RMST: variants seen among roughly 807,000 people sequenced by gnomAD.
The protein encoded by RMST is long intergenic non-protein coding RNA 54.
chr12:97,538,163 T>C (rs1452469087), intron 11 of RMST, among the ~76,000 whole-genome samples: 2 of 151,342 alleles, frequency 1.3e-5, no homozygotes, highest in Non-Finnish European at 3.0e-5. Flanking sequence ...AAAATAATAA[T>C]AAAGGTTTGA....
intron 10 of RMST, among the ~76,000 whole-genome samples, chr12:97,505,533 T>G (rs552265164): frequency 3.3e-5 from 5 of 152,370 alleles, no homozygotes; most frequent in African/African-American, 1.2e-4. Flanking sequence ...GTTTCTTTCA[T>G]GCAAACCGTA....
chr12:97,519,187 T>C (rs918409539), intron 10 of RMST, among the ~76,000 whole-genome samples: 9 of 152,226 alleles, frequency 5.9e-5, no homozygotes, highest in Non-Finnish European at 8.8e-5. Context: ...TACTGTTACT[T>C]ACAGCTCATG....
At chr12:97,463,889 A>G (rs1057349535) in intron 4 of RMST, among the ~76,000 whole-genome samples, 15 of 152,092 alleles carry the variant, frequency 9.9e-5, no homozygotes, top group Admixed American at 9.8e-4. Context: ...TTTTTTAATG[A>G]TGAGGAGAAA....
chr12:97,561,629 CTTTTTTTTTTTTTTT>C (rs9331504), intron 13 of RMST, among the ~76,000 whole-genome samples: 1 of 56,650 alleles, frequency 1.8e-5, no homozygotes, highest in Non-Finnish European at 3.0e-5. Flanking sequence ...AGTTTGAAGG[CTTTTTTTTTTTTTTT>C]TTTTTTTTTT....
chr12:97,511,493 T>C (rs1398220488), intron 10 of RMST, among the ~76,000 whole-genome samples: 1 of 152,208 alleles, frequency 6.6e-6, no homozygotes, highest in Non-Finnish European at 1.5e-5. Flanking sequence ...TAGAAATTTC[T>C]TGCTATTTTT....
chr12:97,479,994 G>A (rs1593140118), intron 5 of RMST, among the ~76,000 whole-genome samples: 1 of 152,136 alleles, frequency 6.6e-6, no homozygotes, highest in East Asian at 1.9e-4. Context: ...AGAAACCCAA[G>A]AATCACTTTT....
chr12:97,560,410 A>C (rs565851173), intron 11 of RMST: 25 of 152,368 alleles, frequency 1.6e-4, no homozygotes, highest in African/African-American at 5.5e-4. Context: ...TGGCAGTCCT[A>C]CTTAAAGGTA....
chr12:97,486,370 T>A lies in RMST; in HGVS notation n.645-6091T>A, dbSNP rs114357492. On this transcript the variant is annotated intron_variant and non_coding_transcript_variant, in intron 5 of 13. Coordinates refer to ENST00000640149, the Ensembl canonical transcript of RMST. ...GACATGGCTACCTTGAACATGCTCC[T>A]ATGAAAAGCAGCAAAAGCAGGTGAG... 8.9e-3 allele frequency among the ~76,000 whole-genome samples: 1,358 copies of A among 152,018 alleles called. 13 individuals carry two copies. The highest frequency in any genetic ancestry group is 0.029 in the African/African-American group (1,208 of 41,440).
chr12:97,475,610 A>C (rs1209925317), intron 5 of RMST, among the ~76,000 whole-genome samples: 1 of 143,682 alleles, frequency 7.0e-6, no homozygotes, highest in Admixed American at 7.0e-5. Context: ...ACCATTTCCC[A>C]CATGTCAGGC....
At chr12:97,464,021 T>G (rs1377764181) in intron 4 of RMST, among the ~76,000 whole-genome samples, 1 of 152,162 alleles carries the variant, frequency 6.6e-6, no homozygotes, top group Non-Finnish European at 1.5e-5. Flanking sequence ...AAATAATGAA[T>G]GAGTCGCACG....
intron 5 of RMST, among the ~76,000 whole-genome samples, chr12:97,475,331 C>T (rs1466555950): frequency 6.6e-6 from 1 of 152,108 alleles, no homozygotes. Flanking sequence ...GGAACACAGG[C>T]ATCTATGTCT....
At chr12:97,491,900 G>A (rs1290036212) in intron 5 of RMST, 8 of 530,942 alleles carry the variant, frequency 1.5e-5, no homozygotes, top group Non-Finnish European at 3.1e-5. Context: ...GCGTCCATGG[G>A]TCAGCTATGT....
At chr12:97,497,074 C>T (rs982655088) in intron 10 of RMST, among the ~76,000 whole-genome samples, 2 of 152,114 alleles carry the variant, frequency 1.3e-5, no homozygotes, top group Admixed American at 1.3e-4. Context: ...CTGCACATAT[C>T]CCATCTTACC....
At chr12:97,512,683 C>T (rs1879493863) in intron 10 of RMST, among the ~76,000 whole-genome samples, 1 of 152,236 alleles carries the variant, frequency 6.6e-6, no homozygotes, top group African/African-American at 2.4e-5. Context: ...CATAAAGGGT[C>T]TCCACATCCC....
At chr12:97,501,326 C>G (rs1212995410) in intron 10 of RMST, among the ~76,000 whole-genome samples, 1 of 152,134 alleles carries the variant, frequency 6.6e-6, no homozygotes, top group East Asian at 1.9e-4. Flanking sequence ...AATGTCTTAA[C>G]AATATACCCA....
intron 11 of RMST, chr12:97,552,162 T>A (rs1883354489): frequency 6.6e-6 from 1 of 152,226 alleles, no homozygotes; most frequent in Non-Finnish European, 1.5e-5. Context: ...TCTAGAAAGT[T>A]AATTTTAATG....
At chr12:97,528,919 C>T (rs1414436400) in intron 10 of RMST, among the ~76,000 whole-genome samples, 1 of 152,052 alleles carries the variant, frequency 6.6e-6, no homozygotes, top group African/African-American at 2.4e-5. Flanking sequence ...ATCACAGATT[C>T]TTTGTCCTTG....
chr12:97,486,282 G>A (rs1876094103), intron 5 of RMST, among the ~76,000 whole-genome samples: 1 of 152,086 alleles, frequency 6.6e-6, no homozygotes, highest in Non-Finnish European at 1.5e-5. Flanking sequence ...ATCACCTCTG[G>A]CTTTTTAAAA....
intron 11 of RMST, among the ~76,000 whole-genome samples, chr12:97,531,411 T>A (rs540313491): frequency 6.6e-6 from 1 of 152,210 alleles, no homozygotes; most frequent in South Asian, 2.1e-4. Flanking sequence ...GAAATTATGT[T>A]CTATTTTCCA....
Sources: gnomAD v4.1 joint callset for allele counts (sites outside exome capture counted in the v4.1 genomes callset) on GRCh38, gnomAD v4.1.1 for gene constraint, MANE v1.5 for transcripts, NCBI Gene and HGNC (gene_info 2026-07-23, HGNC 2026-07-21) for gene names.